USH2A: variants seen among roughly 807,000 people sequenced by gnomAD.
USH2A encodes Usher syndrome 2A (autosomal recessive, mild).
A neutral mutation model predicts 538.9 loss-of-function variants in USH2A; 443 were observed. That is an observed-to-expected ratio of 0.82 (90% CI 0.76 to 0.89). The LOEUF (loss-of-function observed/expected upper bound fraction) is 0.89. USH2A is among the 40% of genes least tolerant of loss of function. The pLI is 0.00. For missense variants in USH2A, 6,633 were observed against 6,324.8 expected (o/e 1.05, Z -1.65); for synonymous variants, 2,413 against 2,273.5 (o/e 1.06, Z -1.75).
chr1:215,787,370 T>C (rs1005812901), intron 51 of USH2A, among the ~76,000 whole-genome samples: 1 of 152,216 alleles, frequency 6.6e-6, no homozygotes, highest in African/African-American at 2.4e-5. Context: ...TCCTGTGTTG[T>C]TGGGGAAGTT....
chr1:215,927,146 G>T (rs1666257452), intron 38 of USH2A, among the ~76,000 whole-genome samples: 1 of 152,054 alleles, frequency 6.6e-6, no homozygotes, highest in Non-Finnish European at 1.5e-5. Context: ...ACTGTTAACA[G>T]AAACCGTTTT....
At chr1:215,666,907 T>C (rs1047265968) in intron 64 of USH2A, among the ~76,000 whole-genome samples, 2 of 151,964 alleles carry the variant, frequency 1.3e-5, no homozygotes, top group Non-Finnish European at 2.9e-5. Flanking sequence ...CTGGCCAACA[T>C]GGTGAAACCC....
At position 215,875,461 on chromosome 1, in the gene USH2A, G is replaced by T. The variant is rs372656893; in HGVS notation, c.8681+2297C>A. ...CTTCCCTTCCGGAAGCAGCTGTCAT[G>T]GGTGTGTTTATGTCAATTCATGTTT... On this transcript the variant is annotated intron_variant, in intron 43 of 71. Coordinates refer to ENST00000307340, the MANE Select transcript of USH2A (RefSeq NM_206933.4). Among the ~76,000 whole-genome samples, 6 of 152,186 alleles carry T rather than the reference G, an allele frequency of 3.9e-5. No homozygotes were observed. In the South Asian group the frequency reaches 1.2e-3, roughly 32 times the overall value.
At chr1:215,870,591 C>A (rs1158512413) in intron 43 of USH2A, among the ~76,000 whole-genome samples, 1 of 151,926 alleles carries the variant, frequency 6.6e-6, no homozygotes, top group Non-Finnish European at 1.5e-5. Flanking sequence ...GTCACCGCGC[C>A]TGGCCGAGGA....
intron 63 of USH2A, among the ~76,000 whole-genome samples, chr1:215,672,159 A>G (rs1394171803): frequency 1.3e-5 from 2 of 152,302 alleles, no homozygotes; most frequent in Middle Eastern, 3.4e-3. Flanking sequence ...TTTAGTGCCT[A>G]TGGCTGTAAA....
At chr1:215,698,516 C>T (rs1301603186) in intron 61 of USH2A, among the ~76,000 whole-genome samples, 1 of 152,204 alleles carries the variant, frequency 6.6e-6, no homozygotes, top group African/African-American at 2.4e-5. Context: ...TATCACCATT[C>T]CAAGTGGTGT....
intron 37 of USH2A, among the ~76,000 whole-genome samples, chr1:215,958,569 G>T (rs1667125184): frequency 6.6e-6 from 1 of 152,154 alleles, no homozygotes; most frequent in East Asian, 1.9e-4. Flanking sequence ...AGAAGAAAAA[G>T]TTTAGGCTCA....
intron 32 of USH2A, among the ~76,000 whole-genome samples, chr1:216,011,078 T>G (rs1176581093): frequency 6.6e-6 from 1 of 151,750 alleles, no homozygotes; most frequent in Admixed American, 6.6e-5. Context: ...AAACTCTCCT[T>G]ACAATTCCCC....
intron 21 of USH2A, among the ~76,000 whole-genome samples, chr1:216,162,074 T>C (rs1017607472): frequency 2.0e-5 from 3 of 152,108 alleles, no homozygotes; most frequent in African/African-American, 7.2e-5. Context: ...TTAAACTATG[T>C]GTGAACTTAT....
intron 63 of USH2A, 83 bp from the exon 64 acceptor site, chr1:215,671,376 A>C: frequency 7.3e-7 from 1 of 1,365,298 alleles, no homozygotes; most frequent in Non-Finnish European, 1.0e-6. Flanking sequence ...AGGCCTTAAA[A>C]AAAAAAGACA....
chr1:215,870,549 C>G lies in USH2A; in HGVS notation c.8682-3379G>C, dbSNP rs147227228. 8.5e-3 allele frequency among the ~76,000 whole-genome samples: 1,293 copies of G among 151,736 alleles called. 13 individuals carry two copies. The highest frequency in any genetic ancestry group is 0.03 in the African/African-American group (1,251 of 41,308). The stretch of plus-strand genomic sequence containing the variant: ...TGACCTCATGATCCACCCACCTCGG[C>G]CTCCCACTGCTGGGATTCTGTACAG... On this transcript the variant is annotated intron_variant, in intron 43 of 71. Transcript: ENST00000307340.
At chr1:216,412,582 TTTAA>T (rs2039505781) in intron 3 of USH2A, among the ~76,000 whole-genome samples, 3 of 152,036 alleles carry the variant, frequency 2.0e-5, no homozygotes, top group Admixed American at 2.0e-4. Context: ...ATATATTGAC[TTTAA>T]TTATTTGTAT....
At chr1:216,077,452 T>C (rs1231030700) in intron 27 of USH2A, among the ~76,000 whole-genome samples, 6 of 151,558 alleles carry the variant, frequency 4.0e-5, no homozygotes, top group East Asian at 1.9e-4. Context: ...GAAAAGGCAA[T>C]GAATTGCATT....
At chr1:216,231,620 C>A (rs564889759) in intron 14 of USH2A, among the ~76,000 whole-genome samples, 1 of 151,620 alleles carries the variant, frequency 6.6e-6, no homozygotes, top group East Asian at 2.0e-4. Context: ...GCGATCTCGG[C>A]TCACTGCAAC....
At chr1:215,845,734 A>C in intron 45 of USH2A, 90 bp downstream of exon 45, 1 of 1,415,824 alleles carries the variant, frequency 7.1e-7, no homozygotes, top group African/African-American at 1.4e-5. Context: ...GAAATTTTAT[A>C]ATGGAGGGAT....
intron 4 of USH2A, among the ~76,000 whole-genome samples, chr1:216,339,944 C>G (rs936663885): frequency 6.6e-6 from 1 of 151,224 alleles, no homozygotes; most frequent in Non-Finnish European, 1.5e-5. Flanking sequence ...CAAGAGCAAA[C>G]AAATAAAAAA....
At chr1:215,805,715 A>G (rs1662481020) in intron 49 of USH2A, among the ~76,000 whole-genome samples, 1 of 152,112 alleles carries the variant, frequency 6.6e-6, no homozygotes, top group African/African-American at 2.4e-5. Context: ...AAGGTATCAT[A>G]ACTTCCCATA....
At chr1:216,223,080 C>T (rs2035490269) in intron 14 of USH2A, among the ~76,000 whole-genome samples, 2 of 151,348 alleles carry the variant, frequency 1.3e-5, no homozygotes, top group African/African-American at 4.9e-5. Flanking sequence ...AAACACAGGC[C>T]TGATTTTAGC....
At chr1:216,317,929 A>G (rs2037539371) in intron 9 of USH2A, among the ~76,000 whole-genome samples, 1 of 152,160 alleles carries the variant, frequency 6.6e-6, no homozygotes, top group Non-Finnish European at 1.5e-5. Flanking sequence ...AAATTAAATT[A>G]AAACTGTTTA....
Sources: allele counts gnomAD v4.1 joint callset (sites outside exome capture counted in the v4.1 genomes callset), GRCh38; gene constraint gnomAD v4.1.1; transcripts MANE v1.5; gene names NCBI Gene and HGNC (gene_info 2026-07-23, HGNC 2026-07-21).